CERS3: variants seen among roughly 807,000 people sequenced by gnomAD.
CERS3 encodes ceramide synthase 3.
A neutral mutation model predicts 50.3 loss-of-function variants in CERS3; 33 were observed. That is an observed-to-expected ratio of 0.66 (90% CI 0.50 to 0.88). The LOEUF (loss-of-function observed/expected upper bound fraction) is 0.88. Ranked by LOEUF, CERS3 falls within the 40% of genes least tolerant of loss-of-function variation. The pLI is 0.00. For synonymous variants in CERS3, 176 were observed against 155.2 expected, an observed-to-expected ratio of 1.13 and a Z score of -0.99; for missense variants, 470 against 460.3, an observed-to-expected ratio of 1.02 and a Z score of -0.19.
At chr15:100,516,805 A>G (rs547260057) in intron 2 of CERS3, among the ~76,000 whole-genome samples, 85 of 152,308 alleles carry the variant, frequency 5.6e-4, no homozygotes, top group Non-Finnish European at 9.6e-4. Context: ...GGTCCTGGAG[A>G]GGCTGTGTTG....
chr15:100,446,394 C>T (rs182353496), intron 11 of CERS3, among the ~76,000 whole-genome samples: 10 of 144,356 alleles, frequency 6.9e-5, no homozygotes, highest in South Asian at 2.2e-4. Context: ...TTAGATTAAC[C>T]GAGATGTGGG....
chr15:100,423,002 G>A (rs2032557200), intron 11 of CERS3, among the ~76,000 whole-genome samples: 1 of 151,116 alleles, frequency 6.6e-6, no homozygotes, highest in Non-Finnish European at 1.5e-5. Context: ...CGAGTTAGTG[G>A]GTGCAGCACA....
chr15:100,518,186 C>T (rs2036544335), intron 2 of CERS3, among the ~76,000 whole-genome samples: 2 of 152,230 alleles, frequency 1.3e-5, no homozygotes, highest in East Asian at 1.9e-4. Context: ...AAATGTAAAA[C>T]ACCCCGATTT....
At chr15:100,502,291 A>G (rs1030485755) in intron 2 of CERS3, among the ~76,000 whole-genome samples, 1 of 144,006 alleles carries the variant, frequency 6.9e-6, no homozygotes, top group Admixed American at 6.9e-5. Context: ...AAGAAAGAAA[A>G]TAAGGCAAGA....
chr15:100,455,862 T>G (rs772915134), intron 11 of CERS3, 31 bp downstream of exon 11: 9 of 1,502,988 alleles, frequency 6.0e-6, no homozygotes, highest in Non-Finnish European at 8.1e-6. Flanking sequence ...GGCAATGACA[T>G]TAAGAGCAAT....
chr15:100,459,584 C>T (rs181904124), intron 10 of CERS3, among the ~76,000 whole-genome samples: 56 of 152,270 alleles, frequency 3.7e-4, no homozygotes, highest in African/African-American at 1.2e-3. Flanking sequence ...TGAACCACCA[C>T]GTGTGGTTCT....
chr15:100,519,898 A>G (rs1040773885), intron 2 of CERS3, among the ~76,000 whole-genome samples: 2 of 152,208 alleles, frequency 1.3e-5, no homozygotes, highest in African/African-American at 2.4e-5. Flanking sequence ...GATCCTCAGG[A>G]GCAGCCCCAC....
chr15:100,504,700 AG>A (rs1567668963), intron 2 of CERS3, among the ~76,000 whole-genome samples: 1 of 152,184 alleles, frequency 6.6e-6, no homozygotes, highest in Non-Finnish European at 1.5e-5. Flanking sequence ...CAGAAAGGAC[AG>A]GGGTGAAGGG....
intron 11 of CERS3, among the ~76,000 whole-genome samples, chr15:100,418,949 A>T (rs1406559208): frequency 7.1e-6 from 1 of 141,624 alleles, no homozygotes; most frequent in Non-Finnish European, 1.6e-5. Flanking sequence ...CATGGAAAGG[A>T]ACAACCAGTA....
chr15:100,525,924 G>T (rs1477561626), intron 1 of CERS3, among the ~76,000 whole-genome samples: 1 of 152,084 alleles, frequency 6.6e-6, no homozygotes, highest in Non-Finnish European at 1.5e-5. Context: ...AATCATCCTG[G>T]GTCCATCCAG....
chr15:100,464,199 G>A (rs2654579), intron 10 of CERS3, among the ~76,000 whole-genome samples: 38,331 of 152,128 alleles, frequency 0.25, 5,337 homozygotes, highest in East Asian at 0.39. Context: ...AAGTAAGGGA[G>A]CTAGGTATTT....
chr15:100,479,339 A>G, intron 7 of CERS3, 89 bp downstream of exon 7: 2 of 964,308 alleles, frequency 2.1e-6, no homozygotes, highest in Non-Finnish European at 3.2e-6. Flanking sequence ...GTGAACAAAG[A>G]GTAGCAGGGG....
intron 4 of CERS3, among the ~76,000 whole-genome samples, chr15:100,489,503 G>C (rs1385849229): frequency 6.6e-6 from 1 of 152,136 alleles, no homozygotes; most frequent in Non-Finnish European, 1.5e-5. Context: ...GAAGCTCTTA[G>C]CAATAGCAAG....
chr15:100,423,469 C>A (rs1229404039), intron 11 of CERS3, among the ~76,000 whole-genome samples: 2 of 152,120 alleles, frequency 1.3e-5, no homozygotes, highest in Non-Finnish European at 2.9e-5. Flanking sequence ...TCCTTTGGAA[C>A]AACATGGATG....
intron 8 of CERS3, among the ~76,000 whole-genome samples, chr15:100,474,468 G>A (rs981487756): frequency 1.3e-5 from 2 of 151,696 alleles, no homozygotes; most frequent in African/African-American, 2.4e-5. Context: ...GCAGTGGTGC[G>A]ATCTTGGCTC....
intron 1 of CERS3, among the ~76,000 whole-genome samples, chr15:100,539,879 C>G (rs2037158264): frequency 6.6e-6 from 1 of 152,140 alleles, no homozygotes; most frequent in African/African-American, 2.4e-5. Flanking sequence ...GAAAGTGGTG[C>G]TGAGATTGCA....
intron 11 of CERS3, among the ~76,000 whole-genome samples, chr15:100,443,719 T>A (rs2033808568): frequency 6.7e-6 from 1 of 148,296 alleles, no homozygotes; most frequent in South Asian, 2.2e-4. Flanking sequence ...CTGTTACCTA[T>A]CTTAGCATAA....
rs563124211 is a variant in CERS3, at chr15:100,477,108, G to A, written c.517-930C>T. On this transcript the variant is annotated intron_variant, in intron 7 of 11. Transcript: ENST00000679737. ...TGGAGCAGAAACACTGCCTAGCTGAGCCTAGCCTAAATTGACAATCAAATC... is the reference window on the plus strand; with the variant it reads ...TGGAGCAGAAACACTGCCTAGCTGAACCTAGCCTAAATTGACAATCAAATC... Among the ~76,000 whole-genome samples the A allele has an allele frequency of 3.3e-5, 5 of 152,312 alleles. No homozygotes were observed. The South Asian group carries it at 1.0e-3, about 32-fold the overall frequency.
chr15:100,436,166 T>G (rs993598735), intron 11 of CERS3, among the ~76,000 whole-genome samples: 4 of 152,202 alleles, frequency 2.6e-5, no homozygotes, highest in Non-Finnish European at 5.9e-5. Context: ...TAAAGACACA[T>G]GCATACATAT....
Sources: gnomAD v4.1 joint callset for allele counts (sites outside exome capture counted in the v4.1 genomes callset) on GRCh38, gnomAD v4.1.1 for gene constraint, MANE v1.5 for transcripts, NCBI Gene and HGNC (gene_info 2026-07-23, HGNC 2026-07-21) for gene names.